ANKH: variants seen among roughly 807,000 people sequenced by gnomAD.
ANKH encodes mineralization regulator ANKH.
Under a neutral mutation model 49.0 loss-of-function variants are expected in ANKH, and 15 were observed. The observed-to-expected ratio is 0.31, with a 90% CI of 0.20 to 0.47. The LOEUF (loss-of-function observed/expected upper bound fraction) is 0.47. Ranked by LOEUF, ANKH falls within the 20% of genes least tolerant of loss-of-function variation. The pLI, the probability that ANKH is intolerant of heterozygous loss-of-function variation, is 1.00. For synonymous variants in ANKH, 273 were observed against 260.0 expected (o/e 1.05, Z -0.48); for missense variants, 429 against 652.0 (o/e 0.66, Z 3.72).
intron 1 of ANKH, among the ~76,000 whole-genome samples, chr5:14,836,029 T>C (rs1303659637): frequency 6.6e-6 from 1 of 152,156 alleles, no homozygotes; most frequent in African/African-American, 2.4e-5. Flanking sequence ...CATGATTATC[T>C]CCATAGCTGC....
At chr5:14,785,790 C>G (rs1024888280) in intron 1 of ANKH, among the ~76,000 whole-genome samples, 14 of 151,944 alleles carry the variant, frequency 9.2e-5, no homozygotes, top group Non-Finnish European at 1.3e-4. Flanking sequence ...CGTGGTGGCT[C>G]ACGCCTGTAA....
At position 14,818,120 on chromosome 5, in the gene ANKH, C is replaced by CT. The variant is rs547342928; in HGVS notation, c.97-48930dup. Among the ~76,000 whole-genome samples, 114 of 149,362 alleles carry CT rather than the reference C, an allele frequency of 7.6e-4. 1 individual carries two copies. The highest frequency in any genetic ancestry group is 2.7e-3 in the African/African-American group (108 of 40,562). ...ACCCAATGGCTAGGAGTATTTGTCA[C>CT]TTATCTCATTAGTCTACCCATACCG... On this transcript the variant is annotated intron_variant, in intron 1 of 11. Transcript: ENST00000284268.
chr5:14,755,955 G>C lies in ANKH; in HGVS notation c.433-11C>G, dbSNP rs760642688. 6.2e-6 allele frequency: 10 copies of C among 1,612,740 alleles called. No homozygotes were observed. The South Asian group carries it at 1.1e-4, about 18-fold the overall frequency. The stretch of plus-strand genomic sequence containing the variant: ...AGCATGGGTCCATGCCTGCCAGAAA[G>C]AAAAGAATTTGGCATGAGATACACC... On this transcript the variant is annotated splice_polypyrimidine_tract_variant and intron_variant, in intron 3 of 11. Coordinates refer to ENST00000284268, the MANE Select transcript of ANKH (RefSeq NM_054027.6).
At chr5:14,858,781 C>T (rs1456671411) in intron 1 of ANKH, among the ~76,000 whole-genome samples, 1 of 148,398 alleles carries the variant, frequency 6.7e-6, no homozygotes, top group African/African-American at 2.5e-5. Flanking sequence ...AATATATGCA[C>T]AGAAAAGAGA....
rs192157307 is a variant in ANKH, at chr5:14,713,446, T to C, written c.1265+98A>G. 214 of 1,511,684 alleles carry C rather than the reference T, an allele frequency of 1.4e-4. No homozygotes were observed. The highest frequency in any genetic ancestry group is 3.4e-4 in the Middle Eastern group (2 of 5,922). The allele number at this position is 1,511,684 out of a possible 1,614,324, so 93.6% of individuals were successfully genotyped here. On this transcript the variant is annotated intron_variant, in intron 10 of 11. Transcript: ENST00000284268. The surrounding 1 kb of genome is among the most constrained non-coding windows in gnomAD (Gnocchi z 4.4). The stretch of plus-strand genomic sequence containing the variant: ...CATTCTGAATTTCCGATTCTAGACG[T>C]GCCTGGGGATTTCCCCTGAAAATGT...
chr5:14,832,701 T>C (rs1375884604), intron 1 of ANKH, among the ~76,000 whole-genome samples: 3 of 152,238 alleles, frequency 2.0e-5, no homozygotes, highest in Non-Finnish European at 4.4e-5. Context: ...GTTTTCAAGT[T>C]ACCATTTATT....
intron 1 of ANKH, chr5:14,868,853 C>G (rs1331614047): frequency 6.6e-6 from 1 of 152,158 alleles, no homozygotes; most frequent in African/African-American, 2.4e-5. Context: ...TCCCCAAGTG[C>G]TACGATCATA....
intron 1 of ANKH, among the ~76,000 whole-genome samples, chr5:14,791,662 G>C (rs1325678733): frequency 5.9e-5 from 9 of 152,114 alleles, no homozygotes; most frequent in Admixed American, 5.9e-4. Flanking sequence ...CATTGAATTT[G>C]ACAGCTTTGG....
At chr5:14,786,265 T>A (rs1243871441) in intron 1 of ANKH, among the ~76,000 whole-genome samples, 1 of 152,150 alleles carries the variant, frequency 6.6e-6, no homozygotes, top group East Asian at 1.9e-4. Flanking sequence ...CAGCATTTTA[T>A]TAAAGTTCAT....
rs142869147 is a variant in ANKH at position 14,780,299 on chromosome 5, T to C, written c.97-11108A>G. On this transcript the variant is annotated intron_variant, in intron 1 of 11. Coordinates refer to ENST00000284268, the MANE Select transcript of ANKH (RefSeq NM_054027.6). ...GGCTCACGTCTGTAATCCCAGCACT[T>C]TGGGAGGCCGAGCTGGGTGGATTAC... Among the ~76,000 whole-genome samples, 46 of 152,274 alleles carry C rather than the reference T, an allele frequency of 3.0e-4. No homozygotes were observed. The East Asian group carries it at 7.5e-3, about 25-fold the overall frequency.
At chr5:14,844,685 G>A (rs1741906189) in intron 1 of ANKH, among the ~76,000 whole-genome samples, 1 of 152,238 alleles carries the variant, frequency 6.6e-6, no homozygotes, top group Non-Finnish European at 1.5e-5. Context: ...CACTGTCTGT[G>A]ACTATCTGCT....
chr5:14,777,419 C>T (rs1406170987), intron 1 of ANKH, among the ~76,000 whole-genome samples: 6 of 152,128 alleles, frequency 3.9e-5, no homozygotes, highest in Non-Finnish European at 5.9e-5. Flanking sequence ...TTTTTTTCCA[C>T]AGTAAGTTAA....
At chr5:14,754,459 A>G (rs1439765059) in intron 4 of ANKH, among the ~76,000 whole-genome samples, 1 of 151,992 alleles carries the variant, frequency 6.6e-6, no homozygotes, top group Non-Finnish European at 1.5e-5. Flanking sequence ...TGAAGTGATT[A>G]GAGTGAATAA....
intron 1 of ANKH, among the ~76,000 whole-genome samples, chr5:14,841,981 G>A (rs1390095123): frequency 2.0e-5 from 3 of 152,106 alleles, no homozygotes. Context: ...TAGGGAGTTA[G>A]TCTTAAGAAA....
chr5:14,818,881 G>C (rs115987830), intron 1 of ANKH, among the ~76,000 whole-genome samples: 2,461 of 152,268 alleles, frequency 0.016, 70 homozygotes, highest in African/African-American at 0.056. Flanking sequence ...GATACCTTCA[G>C]CAAATGCCTT....
chr5:14,806,508 C>T (rs1740713815), intron 1 of ANKH, among the ~76,000 whole-genome samples: 1 of 152,132 alleles, frequency 6.6e-6, no homozygotes, highest in Admixed American at 6.5e-5. Flanking sequence ...TATCCCCATT[C>T]ACACTACAAA....
chr5:14,869,561 GT>G (rs1735756335), intron 1 of ANKH: 1 of 152,262 alleles, frequency 6.6e-6, no homozygotes, highest in Admixed American at 6.5e-5. Flanking sequence ...GGTTAGCAAT[GT>G]TTTAAGGATG....
chr5:14,743,087 A>G (rs569080848), intron 7 of ANKH, among the ~76,000 whole-genome samples: 45 of 152,352 alleles, frequency 3.0e-4, no homozygotes, highest in African/African-American at 1.1e-3. Flanking sequence ...GGCTAAGGTC[A>G]TTTCTCAAAT....
intron 1 of ANKH, among the ~76,000 whole-genome samples, chr5:14,803,580 G>A (rs901741983): frequency 6.6e-6 from 1 of 151,560 alleles, no homozygotes. Flanking sequence ...ATGCCCAGCT[G>A]CTATCTCTTT....
Sources: allele counts gnomAD v4.1 joint callset (sites outside exome capture counted in the v4.1 genomes callset), GRCh38; gene constraint gnomAD v4.1.1; non-coding constraint Gnocchi (gnomAD v3.1); transcripts MANE v1.5; gene names NCBI Gene and HGNC (gene_info 2026-07-23, HGNC 2026-07-21).